The following EPC1 variants were observed in gnomAD, a reference collection of about 807,000 sequenced individuals.
EPC1 encodes enhancer of polycomb 1, also known as enhancer of polycomb homolog 1.
Under a neutral mutation model 98.4 loss-of-function variants are expected in EPC1, and 12 were observed. That is an observed-to-expected ratio of 0.12 (90% CI 0.08 to 0.20). EPC1 has a LOEUF of 0.20. Among genes scored for constraint, EPC1 ranks in the 10% least tolerant of loss-of-function variants. The pLI is 1.00. For synonymous variants in EPC1, 357 were observed against 363.9 expected (o/e 0.98, Z 0.21); for missense variants, 729 against 990.5 (o/e 0.74, Z 3.54).
At chr10:32,376,372 T>A (rs1839872300) in intron 1 of EPC1, among the ~76,000 whole-genome samples, 1 of 152,066 alleles carries the variant, frequency 6.6e-6, no homozygotes, top group South Asian at 2.1e-4. Flanking sequence ...ATACATGTGT[T>A]GGAAAGTATA....
At chr10:32,326,362 A>G (rs1189791554) in intron 1 of EPC1, among the ~76,000 whole-genome samples, 1 of 152,172 alleles carries the variant, frequency 6.6e-6, no homozygotes, top group Non-Finnish European at 1.5e-5. Context: ...AAATCTTTCA[A>G]TGCACTCTTC....
intron 10 of EPC1, among the ~76,000 whole-genome samples, chr10:32,274,463 G>C (rs867584487): frequency 1.2e-4 from 19 of 152,172 alleles, no homozygotes; most frequent in South Asian, 2.1e-4. Context: ...TAGAAAATTA[G>C]GTTAGGTACA....
At chr10:32,354,357 G>C (rs1839209850) in intron 1 of EPC1, among the ~76,000 whole-genome samples, 1 of 152,148 alleles carries the variant, frequency 6.6e-6, no homozygotes, top group African/African-American at 2.4e-5. Context: ...GGGAGGCTGA[G>C]GTAGGAGAAT....
intron 1 of EPC1, among the ~76,000 whole-genome samples, chr10:32,364,418 G>T (rs1839539359): frequency 6.6e-6 from 1 of 152,076 alleles, no homozygotes; most frequent in African/African-American, 2.4e-5. Flanking sequence ...AGTCATCAAT[G>T]AATTAAAAAT....
At chr10:32,310,693 G>A (rs769362269) in intron 1 of EPC1, among the ~76,000 whole-genome samples, 13 of 152,120 alleles carry the variant, frequency 8.5e-5, no homozygotes, top group Admixed American at 2.0e-4. Flanking sequence ...GGCTAACATG[G>A]TAAAACCCTG....
At chr10:32,318,428 A>G (rs1361960874) in intron 1 of EPC1, among the ~76,000 whole-genome samples, 1 of 152,204 alleles carries the variant, frequency 6.6e-6, no homozygotes, top group African/African-American at 2.4e-5. Flanking sequence ...GCCCTTGTAT[A>G]TACGCACCCT....
chr10:32,291,599 C>A (rs1834853789), intron 5 of EPC1: 4 of 197,442 alleles, frequency 2.0e-5, no homozygotes, highest in South Asian at 3.7e-4. Flanking sequence ...CTTTGACCAA[C>A]ATATAAAATA....
At chr10:32,356,852 T>C (rs866138205) in intron 1 of EPC1, among the ~76,000 whole-genome samples, 33 of 152,094 alleles carry the variant, frequency 2.2e-4, no homozygotes, top group African/African-American at 7.0e-4. Flanking sequence ...GGCGTGGTGG[T>C]GGGCACCTGT....
intron 1 of EPC1, among the ~76,000 whole-genome samples, chr10:32,320,439 T>C (rs1341364302): frequency 6.6e-6 from 1 of 152,204 alleles, no homozygotes; most frequent in Non-Finnish European, 1.5e-5. Flanking sequence ...TGAGGAGTTC[T>C]GTGATTAAAT....
chr10:32,272,945 C>A, intron 11 of EPC1: 1 of 1,315,124 alleles, frequency 7.6e-7, no homozygotes. Flanking sequence ...GTATCTTCAT[C>A]TCATTTAACT....
intron 1 of EPC1, among the ~76,000 whole-genome samples, chr10:32,332,071 C>G (rs1371106512): frequency 6.6e-6 from 1 of 152,158 alleles, no homozygotes; most frequent in Non-Finnish European, 1.5e-5. Flanking sequence ...AACACTAATT[C>G]AAGAAACACT....
intron 1 of EPC1, among the ~76,000 whole-genome samples, chr10:32,364,805 C>A (rs1839550434): frequency 6.6e-6 from 1 of 152,188 alleles, no homozygotes. Flanking sequence ...CTGCAACCTT[C>A]CAACCTGTGG....
At chr10:32,328,798 T>G (rs1592603438) in intron 1 of EPC1, among the ~76,000 whole-genome samples, 1 of 152,332 alleles carries the variant, frequency 6.6e-6, no homozygotes, top group East Asian at 1.9e-4. Context: ...GTTATACACA[T>G]GGAAGTGCTT....
chr10:32,268,891 C>T lies in EPC1; in HGVS notation c.*172G>A. ...TAATTTACAGATGTTGATTTTTTTC[C>T]TATTAACAGTAAGAAAAGAAAAATT... On this transcript the variant is annotated 3_prime_UTR_variant, in exon 14 of 14. Transcript: ENST00000319778. 1 of 571,206 alleles carries T rather than the reference C, an allele frequency of 1.8e-6. No homozygotes were observed. 35.4% of individuals were successfully genotyped at this position (571,206 alleles called of 1,614,324 possible).
intron 1 of EPC1, among the ~76,000 whole-genome samples, chr10:32,375,300 A>G (rs1839849067): frequency 6.6e-6 from 1 of 152,074 alleles, no homozygotes; most frequent in African/African-American, 2.4e-5. Flanking sequence ...GCCCTGGCTA[A>G]TATTTTTAGC....
At chr10:32,271,253 A>T (rs1835828811) in intron 13 of EPC1, among the ~76,000 whole-genome samples, 1 of 152,124 alleles carries the variant, frequency 6.6e-6, no homozygotes, top group Admixed American at 6.5e-5. Flanking sequence ...TGCCTCCCAA[A>T]GTGCTAGGAT....
In EPC1 at chr10:32,272,022, T is replaced by A. The variant is rs1835870988; in HGVS notation, c.2005+4A>T. 6.2e-7 allele frequency: 1 copy of A among 1,609,240 alleles called. No individual in the cohort carries two copies. The highest frequency in any genetic ancestry group is 8.5e-7 in the Non-Finnish European group (1 of 1,178,834). On this transcript the variant is annotated splice_donor_region_variant and intron_variant, in intron 12 of 13. Transcript: ENST00000319778. ...CCAAACAATTTAAATGTCTTTATTC[T>A]TACCTGAGGCTGGAAGGACGCCATT...
At position 32,284,690 on chromosome 10, in the gene EPC1, C is replaced by A; in HGVS notation, c.1744+8G>T. On this transcript the variant is annotated splice_region_variant and intron_variant, in intron 10 of 13. Transcript: ENST00000319778. ...TATAGAAACGTACATCATTAACAGT[C>A]AACATACCAAAGTGTGCTGAACCAC... is the stretch of plus-strand genomic sequence containing the variant. 5 of 1,598,346 alleles carry A rather than the reference C, an allele frequency of 3.1e-6. No homozygotes were observed. The highest frequency in any genetic ancestry group is 1.1e-5 in the South Asian group (1 of 89,686).
chr10:32,345,486 T>C lies in EPC1; in HGVS notation c.153+1277A>G, dbSNP rs187590123. 8.7e-5 allele frequency: 86 copies of C among 985,492 alleles called. 3 individuals carry two copies. The African/African-American group carries it at 1.3e-3, about 14-fold the overall frequency. 61.0% of individuals were successfully genotyped at this position (985,492 alleles called of 1,614,324 possible). On this transcript the variant is annotated intron_variant, in intron 1 of 13. Coordinates refer to ENST00000319778, the MANE Select transcript of EPC1 (RefSeq NM_001272004.3). ...TACAGTACAATTTTCCACAACAAAA[T>C]TGTAGCACACAAATCCACGCGACTC...
Sources: allele counts gnomAD v4.1 joint callset (sites outside exome capture counted in the v4.1 genomes callset), GRCh38; gene constraint gnomAD v4.1.1; transcripts MANE v1.5; gene names NCBI Gene and HGNC (gene_info 2026-07-23, HGNC 2026-07-21).